The following KCNJ16 variants were observed in gnomAD, a reference collection of about 807,000 sequenced individuals.
KCNJ16 encodes the protein inward rectifier potassium channel 16.
Under a neutral mutation model 18.5 loss-of-function variants are expected in KCNJ16, and 15 were observed. The ratio of observed to expected loss-of-function variants is 0.81; its 90% confidence interval spans 0.54 to 1.25. The LOEUF (loss-of-function observed/expected upper bound fraction) is 1.25, where lower values mean the gene tolerates loss of function less well. KCNJ16 is among the 50% of genes most tolerant of loss of function. The pLI, the probability that KCNJ16 is intolerant of heterozygous loss-of-function variation, is 0.00. For synonymous variants in KCNJ16, 174 were observed against 186.5 expected (o/e 0.93, Z 0.55); for missense variants, 523 against 525.7 (o/e 0.99, Z 0.05).
chr17:70,093,918 C>CA (rs1345360408), intron 1 of KCNJ16, among the ~76,000 whole-genome samples: 1 of 135,816 alleles, frequency 7.4e-6, no homozygotes, highest in Non-Finnish European at 1.6e-5. Context: ...GTACAGATAA[C>CA]AAAAAATAGA....
chr17:70,077,962 T>C (rs8077490), intron 1 of KCNJ16, among the ~76,000 whole-genome samples: 136,662 of 152,258 alleles, frequency 0.9, 61,456 homozygotes, highest in East Asian at 1. Flanking sequence ...GCTGGTTAGC[T>C]TCTGCAGACT....
intron 1 of KCNJ16, among the ~76,000 whole-genome samples, chr17:70,079,904 T>C (rs1370916291): frequency 1.3e-5 from 2 of 152,100 alleles, no homozygotes; most frequent in Admixed American, 1.3e-4. Context: ...GGTTTCACCA[T>C]GTTGGCCAGG....
chr17:70,121,377 T>G (rs1273004935), intron 2 of KCNJ16, among the ~76,000 whole-genome samples: 1 of 152,154 alleles, frequency 6.6e-6, no homozygotes. Flanking sequence ...TAAAACTTCA[T>G]TTACAGAAAC....
At chr17:70,118,144 T>C (rs900912771) in intron 2 of KCNJ16, among the ~76,000 whole-genome samples, 5 of 152,160 alleles carry the variant, frequency 3.3e-5, no homozygotes, top group African/African-American at 1.2e-4. Flanking sequence ...CATTCTTACA[T>C]TGCTATAAAT....
intron 2 of KCNJ16, among the ~76,000 whole-genome samples, chr17:70,122,356 T>C (rs892594974): frequency 5.0e-4 from 76 of 152,122 alleles, no homozygotes; most frequent in African/African-American, 1.6e-3. Flanking sequence ...TTACTTTTTT[T>C]AGTAGAGATG....
intron 2 of KCNJ16, chr17:70,128,115 A>G (rs1349182542): frequency 6.6e-6 from 1 of 152,206 alleles, no homozygotes; most frequent in African/African-American, 2.4e-5. Flanking sequence ...TGGCAGAGGA[A>G]TTGCTTCAAA....
intron 2 of KCNJ16, among the ~76,000 whole-genome samples, chr17:70,126,727 T>TC (rs1473809486): frequency 6.6e-6 from 1 of 152,212 alleles, no homozygotes; most frequent in Non-Finnish European, 1.5e-5. Context: ...CATTGTGATT[T>TC]TAAGTTTTGC....
chr17:70,104,969 TA>T, intron 2 of KCNJ16: 1 of 137,880 alleles, frequency 7.3e-6, no homozygotes, highest in South Asian at 2.3e-4. Context: ...TTCAGAAGGG[TA>T]CTAACAGGGC....
At chr17:70,096,711 A>C (rs1408517219) in intron 1 of KCNJ16, 3 of 369,090 alleles carry the variant, frequency 8.1e-6, no homozygotes, top group Non-Finnish European at 1.4e-5. Flanking sequence ...TTCTCTTCAT[A>C]ATCAGGTGAT....
intron 2 of KCNJ16, among the ~76,000 whole-genome samples, chr17:70,109,325 C>A (rs1412931782): frequency 6.6e-6 from 1 of 152,044 alleles, no homozygotes. Flanking sequence ...GAGAATTAAA[C>A]ATATTTCATG....
intron 1 of KCNJ16, among the ~76,000 whole-genome samples, chr17:70,092,549 T>TAC (rs145530733): frequency 0.071 from 8,585 of 121,106 alleles, 545 homozygotes; most frequent in African/African-American, 0.11. Context: ...TATAGATAGA[T>TAC]ATAGATAGAT....
chr17:70,103,463 G>A (rs146790980), intron 2 of KCNJ16, among the ~76,000 whole-genome samples: 2 of 151,190 alleles, frequency 1.3e-5, no homozygotes, highest in East Asian at 4.0e-4. Context: ...CACTATGCCC[G>A]ACCACACTGC....
chr17:70,133,201 A>C lies in KCNJ16; in HGVS notation c.1114A>C (p.Arg372=). The change falls in exon 4 of 4, where the codon AGG becomes CGG. Residue 372 remains arginine, a synonymous_variant. Coordinates refer to ENST00000392671, the MANE Select transcript of KCNJ16 (RefSeq NM_170741.4). ...SCTSDTKARR[R]SFSAVAIVSS... ...CACGTCGGACACCAAGGCGAGACGA[A>C]GGTCATTTAGTGCAGTTGCCATTGT... is the stretch of plus-strand genomic sequence containing the variant. 1 of 1,614,222 alleles carries C rather than the reference A, an allele frequency of 6.2e-7. No individual in the cohort carries two copies. The highest frequency in any genetic ancestry group is 8.5e-7 in the Non-Finnish European group (1 of 1,180,040).
At chr17:70,106,447 G>C (rs2072930209) in intron 2 of KCNJ16, among the ~76,000 whole-genome samples, 1 of 152,134 alleles carries the variant, frequency 6.6e-6, no homozygotes, top group South Asian at 2.1e-4. Context: ...ATTATTGTTA[G>C]CTCCATTTTA....
chr17:70,130,999 G>C (rs1477861219), intron 3 of KCNJ16, 24 bp downstream of exon 3: 4 of 1,534,228 alleles, frequency 2.6e-6, no homozygotes, highest in Non-Finnish European at 3.5e-6. Context: ...GTTCTGCCTT[G>C]ATGTTTTCAA....
intron 1 of KCNJ16, among the ~76,000 whole-genome samples, chr17:70,083,916 T>G (rs1436716520): frequency 6.6e-6 from 1 of 151,860 alleles, no homozygotes; most frequent in Non-Finnish European, 1.5e-5. Flanking sequence ...GCCACCAAGA[T>G]GAAATGAAGC....
chr17:70,099,948 A>C (rs2072550105), intron 1 of KCNJ16, among the ~76,000 whole-genome samples: 2 of 152,224 alleles, frequency 1.3e-5, no homozygotes, highest in Non-Finnish European at 2.9e-5. Flanking sequence ...CGGTTTGGTC[A>C]AAGAAAGGAA....
At chr17:70,119,843 G>A (rs895928822) in intron 2 of KCNJ16, among the ~76,000 whole-genome samples, 1 of 151,356 alleles carries the variant, frequency 6.6e-6, no homozygotes, top group African/African-American at 2.5e-5. Context: ...CTCCCTTTTA[G>A]TTATGCACAT....
intron 1 of KCNJ16, among the ~76,000 whole-genome samples, chr17:70,087,336 G>A (rs1231184401): frequency 6.6e-6 from 1 of 152,014 alleles, no homozygotes; most frequent in Non-Finnish European, 1.5e-5. Context: ...TTCAATTCTG[G>A]CCTCTGTTTT....
Sources: gnomAD v4.1 joint callset for allele counts (sites outside exome capture counted in the v4.1 genomes callset) on GRCh38, gnomAD v4.1.1 for gene constraint, MANE v1.5 for transcripts, NCBI Gene and HGNC (gene_info 2026-07-23, HGNC 2026-07-21) for gene names.